Variants in CCDC85C observed in about 807,000 individuals in gnomAD.
The protein encoded by CCDC85C is coiled-coil domain containing 85C, also known as coiled-coil domain-containing protein 85C.
Under a neutral mutation model 38.3 loss-of-function variants are expected in CCDC85C, and 18 were observed. The observed-to-expected ratio is 0.47, with a 90% CI of 0.33 to 0.70. The LOEUF (loss-of-function observed/expected upper bound fraction) is 0.70, where lower values mean the gene tolerates loss of function less well. Among genes scored for constraint, CCDC85C ranks in the 30% least tolerant of loss-of-function variants. CCDC85C has a pLI of 0.03. For missense variants in CCDC85C, 566 were observed against 621.2 expected (o/e 0.91, Z 0.94); for synonymous variants, 264 against 293.8 (o/e 0.90, Z 1.04).
chr14:99,502,993 G>T lies in CCDC85C; in HGVS notation c.*12253C>A. On this transcript the variant is annotated 3_prime_UTR_variant, in exon 6 of 6. Transcript: ENST00000380243. ...AGGTTAAGCGAGCCGTGGTGAGTGG[G>T]CTAAAGCAGGCCCTGGGTAGAGCAG... The T allele has an allele frequency of 6.2e-7, 1 of 1,613,934 alleles. No homozygotes were observed. The highest frequency in any genetic ancestry group is 8.5e-7 in the Non-Finnish European group (1 of 1,179,862).
rs1219413289 is a variant in CCDC85C, at chr14:99,512,507, T to G, written c.*2739A>C. ...AAAATGAAAGGTCACTTTTTTCTCT[T>G]TAAACACTGATGTGTAGCTAGTAAC... On this transcript the variant is annotated 3_prime_UTR_variant, in exon 6 of 6. Coordinates refer to ENST00000380243, the MANE Select transcript of CCDC85C (RefSeq NM_001144995.2). 1.3e-5 allele frequency: 2 copies of G among 152,192 alleles called. No homozygotes were observed. The highest frequency in any genetic ancestry group is 2.9e-5 in the Non-Finnish European group (2 of 68,040). The allele number at this position is 152,192 out of a possible 1,614,324, so 9.4% of individuals were successfully genotyped here. A position where few individuals can be genotyped will look rare whatever the true frequency, so the allele number is the denominator to read the frequency against.
Position 99,572,090 on chromosome 14 carries a change from C to G in CCDC85C, c.793+31077G>C, listed in dbSNP as rs10139497. The stretch of plus-strand genomic sequence containing the variant: ...GCCCCCAACCCTAACCCAGCACCCG[C>G]AAGTCTCTGGAAGGCAGCGGCAAGG... On this transcript the variant is annotated intron_variant, in intron 1 of 5. Coordinates refer to ENST00000380243, the MANE Select transcript of CCDC85C (RefSeq NM_001144995.2). The surrounding 1 kb of genome is among the most constrained non-coding windows in gnomAD (Gnocchi z 4.4). Among the ~76,000 whole-genome samples, 120,510 of 152,038 alleles carry G rather than the reference C, an allele frequency of 0.79. 47,924 individuals carry two copies. Among genetic ancestry groups the G allele is most frequent in the South Asian group, 0.84 (4,048 of 4,816 alleles).
At chr14:99,539,206 C>T (rs1350234090) in intron 1 of CCDC85C, among the ~76,000 whole-genome samples, 1 of 152,204 alleles carries the variant, frequency 6.6e-6, no homozygotes, top group African/African-American at 2.4e-5. Flanking sequence ...CACGGTGGCA[C>T]ATGCCTGCAA....
At position 99,515,068 on chromosome 14, in the gene CCDC85C, G is replaced by A. The variant is rs761501528; in HGVS notation, c.*178C>T. On this transcript the variant is annotated 3_prime_UTR_variant, in exon 6 of 6. Coordinates refer to ENST00000380243, the MANE Select transcript of CCDC85C (RefSeq NM_001144995.2). ...GCTGGTGTATGAGGCGGGAGATGGC[G>A]GCTTGGGCCAGTGCATCGGACCCAT... 6.8e-5 allele frequency: 37 copies of A among 547,216 alleles called. No individual in the cohort carries two copies. Among genetic ancestry groups the A allele is most frequent in the Admixed American group, 1.3e-4 (4 of 29,752 alleles). 33.9% of individuals were successfully genotyped at this position (547,216 alleles called of 1,614,324 possible).
chr14:99,591,805 G>A (rs1371923068), intron 1 of CCDC85C, among the ~76,000 whole-genome samples: 12 of 146,734 alleles, frequency 8.2e-5, no homozygotes, highest in South Asian at 2.2e-4. Flanking sequence ...CATGACCTCC[G>A]CTCACGGCAA....
chr14:99,547,804 G>A (rs1897834006), intron 1 of CCDC85C, among the ~76,000 whole-genome samples: 1 of 151,376 alleles, frequency 6.6e-6, no homozygotes, highest in African/African-American at 2.4e-5. Context: ...CCACAGGATT[G>A]CATACTTTCA....
intron 1 of CCDC85C, among the ~76,000 whole-genome samples, chr14:99,542,307 G>A (rs1490352469): frequency 6.6e-6 from 1 of 152,234 alleles, no homozygotes; most frequent in Non-Finnish European, 1.5e-5. Context: ...GCAGGGCAGG[G>A]CCAGGGAGAA....
rs1566750845 is a variant in CCDC85C at position 99,501,124 on chromosome 14, A to G, written c.*14122T>C. On this transcript the variant is annotated 3_prime_UTR_variant, in exon 6 of 6. Transcript: ENST00000380243. Reference sequence around the variant, plus strand: ...TGAGGCAGAATTTTTTAAATGGACTAATAAACTTAGCCTTGGAGCCAGGTT... The same window carrying G: ...TGAGGCAGAATTTTTTAAATGGACTGATAAACTTAGCCTTGGAGCCAGGTT... 1 of 603,018 alleles carries G rather than the reference A, an allele frequency of 1.7e-6. No individual in the cohort carries two copies. The highest frequency in any genetic ancestry group is 2.9e-6 in the Non-Finnish European group (1 of 343,606). 37.4% of individuals were successfully genotyped at this position (603,018 alleles called of 1,614,324 possible).
At chr14:99,563,134 G>T (rs1429516389) in intron 1 of CCDC85C, among the ~76,000 whole-genome samples, 1 of 152,258 alleles carries the variant, frequency 6.6e-6, no homozygotes, top group Non-Finnish European at 1.5e-5. Flanking sequence ...GATTCTGGAA[G>T]GGTAGAGGGG....
intron 3 of CCDC85C, 60 bp downstream of exon 3, chr14:99,522,073 C>A: frequency 7.3e-7 from 1 of 1,362,576 alleles, no homozygotes; most frequent in Non-Finnish European, 1.0e-6. Context: ...AGGTCACTGG[C>A]CCGCCTGAGC....
Position 99,503,508 on chromosome 14 carries a change from A to G in CCDC85C, c.*11738T>C, listed in dbSNP as rs1896893346. 1 of 979,068 alleles carries G rather than the reference A, an allele frequency of 1.0e-6. No individual in the cohort carries two copies. The highest frequency in any genetic ancestry group is 1.6e-6 in the Non-Finnish European group (1 of 643,460). 60.6% of individuals were successfully genotyped at this position (979,068 alleles called of 1,614,324 possible). On this transcript the variant is annotated 3_prime_UTR_variant, in exon 6 of 6. Coordinates refer to ENST00000380243, the MANE Select transcript of CCDC85C (RefSeq NM_001144995.2). ...AAATAATTTTTGTCCGAGGCTGTTC[A>G]CAGTGACTGCCGTCGCTGATTCTGG... is the stretch of plus-strand genomic sequence containing the variant.
At chr14:99,573,251 T>C (rs996200475) in intron 1 of CCDC85C, among the ~76,000 whole-genome samples, 13 of 152,154 alleles carry the variant, frequency 8.5e-5, no homozygotes, top group African/African-American at 2.7e-4. Context: ...CTGCAGGGGA[T>C]TGAGCCATGG....
chr14:99,591,840 T>G (rs1250856884), intron 1 of CCDC85C, among the ~76,000 whole-genome samples: 1 of 151,362 alleles, frequency 6.6e-6, no homozygotes, highest in Non-Finnish European at 1.5e-5. Context: ...GTTCAAGAGA[T>G]TCTCCTGCCT....
Position 99,502,400 on chromosome 14 carries a change from C to A in CCDC85C, c.*12846G>T. The A allele has an allele frequency of 6.2e-7, 1 of 1,608,798 alleles. No individual in the cohort carries two copies. The highest frequency in any genetic ancestry group is 1.1e-5 in the South Asian group (1 of 90,182). On this transcript the variant is annotated 3_prime_UTR_variant, in exon 6 of 6. Coordinates refer to ENST00000380243, the MANE Select transcript of CCDC85C (RefSeq NM_001144995.2). ...AGGTACCAGGCATGCTAAGCGTTCT[C>A]GTGAGGGTGTTCCATGTTGAGATGA...
At chr14:99,552,663 C>T (rs980622299) in intron 1 of CCDC85C, among the ~76,000 whole-genome samples, 23 of 152,198 alleles carry the variant, frequency 1.5e-4, no homozygotes, top group African/African-American at 5.5e-4. Context: ...AAGCCAACCT[C>T]CACCCAGGCC....
At chr14:99,539,236 C>T (rs535975909) in intron 1 of CCDC85C, among the ~76,000 whole-genome samples, 2 of 152,022 alleles carry the variant, frequency 1.3e-5, no homozygotes, top group African/African-American at 2.4e-5. Context: ...TTTGGGAGGC[C>T]GAGGCAGGTG....
At chr14:99,528,507 AC>A (rs1346035829) in intron 2 of CCDC85C, among the ~76,000 whole-genome samples, 1 of 152,118 alleles carries the variant, frequency 6.6e-6, no homozygotes, top group Admixed American at 6.5e-5. Flanking sequence ...CCCTAGGAGC[AC>A]CCACCACCCC....
At chr14:99,592,179 G>C (rs77635638) in intron 1 of CCDC85C, among the ~76,000 whole-genome samples, 2,226 of 152,366 alleles carry the variant, frequency 0.015, 27 homozygotes, top group South Asian at 0.028. Flanking sequence ...TGCGAAGGCA[G>C]GGTGGTCGGT....
rs1897115001 is a variant in CCDC85C, at chr14:99,510,887, G to A, written c.*4359C>T. The stretch of plus-strand genomic sequence containing the variant: ...AGGGTACCTTGTATAATGCACGACA[G>A]TTGCAGTATGGGAAGAATGGACCGG... On this transcript the variant is annotated 3_prime_UTR_variant, in exon 6 of 6. Coordinates refer to ENST00000380243, the MANE Select transcript of CCDC85C (RefSeq NM_001144995.2). 1.0e-6 allele frequency: 1 copy of A among 984,720 alleles called. No homozygotes were observed. Among genetic ancestry groups the A allele is most frequent in the East Asian group, 3.2e-5 (1 of 31,146 alleles). The allele number at this position is 984,720 out of a possible 1,614,324, so 61.0% of individuals were successfully genotyped here.
Sources: allele counts gnomAD v4.1 joint callset (sites outside exome capture counted in the v4.1 genomes callset), GRCh38; gene constraint gnomAD v4.1.1; non-coding constraint Gnocchi (gnomAD v3.1); transcripts MANE v1.5; gene names NCBI Gene and HGNC (gene_info 2026-07-23, HGNC 2026-07-21).